The following NEK1 variants were observed in gnomAD, a reference collection of about 807,000 sequenced individuals.
NEK1 encodes NIMA related kinase 1.
A neutral mutation model predicts 182.1 loss-of-function variants in NEK1; 137 were observed. The ratio of observed to expected loss-of-function variants is 0.75; its 90% CI spans 0.65 to 0.87. The LOEUF (loss-of-function observed/expected upper bound fraction) is 0.87, where lower values mean the gene tolerates loss of function less well. Among genes scored for constraint, NEK1 ranks in the 40% least tolerant of loss-of-function variants. NEK1 has a pLI of 0.00. For synonymous variants in NEK1, 513 were observed against 492.2 expected (o/e 1.04, Z -0.56); for missense variants, 1,391 against 1,494.4 (o/e 0.93, Z 1.14).
intron 27 of NEK1, among the ~76,000 whole-genome samples, chr4:169,452,891 A>G (rs1024606899): frequency 7.1e-6 from 1 of 140,980 alleles, no homozygotes; most frequent in African/African-American, 3.1e-5. Context: ...TTTGCAGATG[A>G]CATGATTGTA....
At chr4:169,416,697 G>T (rs1183607630) in intron 31 of NEK1, among the ~76,000 whole-genome samples, 1 of 152,166 alleles carries the variant, frequency 6.6e-6, no homozygotes, top group East Asian at 1.9e-4. Context: ...TTAAGCCCAG[G>T]AGTTCCAGAC....
At chr4:169,528,414 T>G (rs79548636) in intron 19 of NEK1, among the ~76,000 whole-genome samples, 179 of 152,310 alleles carry the variant, frequency 1.2e-3, no homozygotes, top group African/African-American at 3.7e-3. Context: ...CCCTTGTTCA[T>G]TAAGCCACGA....
At chr4:169,491,245 T>C (rs1244638236) in intron 23 of NEK1, among the ~76,000 whole-genome samples, 1 of 149,366 alleles carries the variant, frequency 6.7e-6, no homozygotes, top group Non-Finnish European at 1.5e-5. Flanking sequence ...GATATGGTCA[T>C]CCATATCTAC....
At chr4:169,551,402 T>TA (rs1417099386) in intron 18 of NEK1, among the ~76,000 whole-genome samples, 1 of 151,920 alleles carries the variant, frequency 6.6e-6, no homozygotes, top group African/African-American at 2.4e-5. Flanking sequence ...AAGGCAATAA[T>TA]AAAAAATGAA....
At chr4:169,435,164 T>C (rs1265814332) in intron 28 of NEK1, among the ~76,000 whole-genome samples, 2 of 152,150 alleles carry the variant, frequency 1.3e-5, no homozygotes, top group Non-Finnish European at 2.9e-5. Context: ...AATGTCAGGG[T>C]GCCAGCACGG....
At chr4:169,496,637 C>T (rs988521820) in intron 23 of NEK1, among the ~76,000 whole-genome samples, 1 of 148,676 alleles carries the variant, frequency 6.7e-6, no homozygotes, top group Non-Finnish European at 1.5e-5. Flanking sequence ...TTGTCAAAGG[C>T]CTTTTCTGCA....
chr4:169,399,914 G>A (rs1261187560), intron 35 of NEK1, among the ~76,000 whole-genome samples: 3 of 151,986 alleles, frequency 2.0e-5, no homozygotes, highest in Non-Finnish European at 4.4e-5. Flanking sequence ...CATAAACCAC[G>A]GCACCCGGCT....
rs566356931 is a variant in NEK1, at chr4:169,424,049, C to T, written c.3222+504G>A. 4.6e-5 allele frequency among the ~76,000 whole-genome samples: 7 copies of T among 151,802 alleles called. No individual in the cohort carries two copies. In the East Asian group the frequency reaches 5.8e-4, roughly 13 times the overall value. On this transcript the variant is annotated intron_variant, in intron 31 of 35. Transcript: ENST00000507142. ...ACAAATGATTATTTCTTATTTTTAC[C>T]TGCGTTTCAACATTTTCTGTAGAGA...
intron 31 of NEK1, among the ~76,000 whole-genome samples, chr4:169,417,288 C>G (rs1303812944): frequency 1.3e-5 from 2 of 152,218 alleles, no homozygotes; most frequent in Admixed American, 6.5e-5. Context: ...GACAGAGAGG[C>G]AGTCAATGCC....
intron 18 of NEK1, among the ~76,000 whole-genome samples, chr4:169,547,206 G>T (rs77949469): frequency 0.013 from 2,003 of 152,222 alleles, 41 homozygotes; most frequent in African/African-American, 0.045. Context: ...TTTTCTGTAA[G>T]AATTTTATTT....
intron 19 of NEK1, among the ~76,000 whole-genome samples, chr4:169,531,619 A>G (rs11941560): frequency 0.097 from 14,755 of 152,192 alleles, 797 homozygotes; most frequent in East Asian, 0.17. Flanking sequence ...ATGGTATGGC[A>G]TAGAATAGAA....
intron 20 of NEK1, 132 bp downstream of exon 20, chr4:169,508,637 A>T: frequency 1.6e-6 from 1 of 612,858 alleles, no homozygotes; most frequent in South Asian, 3.4e-5. Flanking sequence ...TCAGTCAAAA[A>T]TATATTAACA....
chr4:169,451,616 C>T (rs1014268573), intron 27 of NEK1, among the ~76,000 whole-genome samples: 2 of 152,184 alleles, frequency 1.3e-5, no homozygotes, highest in African/African-American at 4.8e-5. Flanking sequence ...ATACCAGAAT[C>T]CCTGGGACAC....
chr4:169,494,353 GT>G (rs1750732224), intron 23 of NEK1, among the ~76,000 whole-genome samples: 1 of 152,052 alleles, frequency 6.6e-6, no homozygotes, highest in Admixed American at 6.6e-5. Flanking sequence ...GCAGTGTTTG[GT>G]TTTTGTCCTT....
intron 19 of NEK1, among the ~76,000 whole-genome samples, chr4:169,513,932 G>C (rs564005364): frequency 6.6e-6 from 1 of 151,626 alleles, no homozygotes; most frequent in South Asian, 2.1e-4. Flanking sequence ...GTTGGGGCTG[G>C]ATATAATTTA....
intron 18 of NEK1, among the ~76,000 whole-genome samples, chr4:169,544,989 G>GCT (rs1760139270): frequency 6.7e-6 from 1 of 148,436 alleles, no homozygotes; most frequent in Non-Finnish European, 1.5e-5. Flanking sequence ...CTTCAGTTCT[G>GCT]CTCTGATCTT....
intron 27 of NEK1, among the ~76,000 whole-genome samples, chr4:169,460,799 A>T (rs1359999569): frequency 3.3e-5 from 5 of 152,162 alleles, no homozygotes; most frequent in African/African-American, 1.2e-4. Context: ...TATATATTAA[A>T]GACAGTCAAG....
At position 169,475,119 on chromosome 4, in the gene NEK1, C is replaced by T. The variant is rs1032456636; in HGVS notation, c.2434+2005G>A. 3.9e-5 allele frequency among the ~76,000 whole-genome samples: 6 copies of T among 152,270 alleles called. No individual in the cohort carries two copies. The South Asian group carries it at 1.2e-3, about 32-fold the overall frequency. Reference sequence around the variant, plus strand: ...GGCTATAGCTAATGGGTCTACCACACTCCCTGAGTTCAGGAGGTAGAGCTG... The same window carrying T: ...GGCTATAGCTAATGGGTCTACCACATTCCCTGAGTTCAGGAGGTAGAGCTG... On this transcript the variant is annotated intron_variant, in intron 26 of 35. Transcript: ENST00000507142.
chr4:169,611,950 T>C (rs1772390533), intron 2 of NEK1, 70 bp downstream of exon 2: 1 of 152,256 alleles, frequency 6.6e-6, no homozygotes, highest in African/African-American at 2.4e-5. Context: ...TAAGCAGTTC[T>C]ACGCACATCT....
Sources: gnomAD v4.1 joint callset for allele counts (sites outside exome capture counted in the v4.1 genomes callset) on GRCh38, gnomAD v4.1.1 for gene constraint, MANE v1.5 for transcripts, NCBI Gene and HGNC (gene_info 2026-07-23, HGNC 2026-07-21) for gene names.